LDLRAD4: variants seen among roughly 807,000 people sequenced by gnomAD.
LDLRAD4 encodes low density lipoprotein receptor class A domain containing 4.
A neutral mutation model predicts 17.0 loss-of-function variants in LDLRAD4; 5 were observed. The observed-to-expected ratio is 0.29, with a 90% CI of 0.15 to 0.62. LDLRAD4 has a LOEUF of 0.62. Among genes scored for constraint, LDLRAD4 ranks in the 20% least tolerant of loss-of-function variants. The probability of loss-of-function intolerance (pLI) is 0.84; values close to 1 mark genes in which losing one functional copy is unlikely to be tolerated. For missense variants in LDLRAD4, 340 were observed against 424.7 expected, an observed-to-expected ratio of 0.80 and a Z score of 1.75; for synonymous variants, 168 against 171.8, an observed-to-expected ratio of 0.98 and a Z score of 0.17.
At chr18:13,291,374 T>C (rs1387271883) in intron 1 of LDLRAD4, among the ~76,000 whole-genome samples, 1 of 152,206 alleles carries the variant, frequency 6.6e-6, no homozygotes, top group Admixed American at 6.5e-5. Context: ...TACATAGTTA[T>C]TGAGTATTTG....
chr18:13,462,408 G>A (rs1379096415), intron 3 of LDLRAD4, among the ~76,000 whole-genome samples: 2 of 152,166 alleles, frequency 1.3e-5, no homozygotes, highest in South Asian at 4.1e-4. Context: ...CAGGTGTCAA[G>A]CCAGGGTGCA....
intron 3 of LDLRAD4, chr18:13,543,345 T>A (rs1442802173): frequency 6.6e-6 from 1 of 152,202 alleles, no homozygotes. Context: ...CACCCACACA[T>A]GCGAGCCTCC....
At chr18:13,345,389 G>A (rs963202048) in intron 1 of LDLRAD4, among the ~76,000 whole-genome samples, 4 of 152,180 alleles carry the variant, frequency 2.6e-5, no homozygotes, top group Non-Finnish European at 4.4e-5. Context: ...TACGTTTATT[G>A]ATTTGTGTAT....
At chr18:13,298,711 C>T in intron 1 of LDLRAD4, among the ~76,000 whole-genome samples, 1 of 152,294 alleles carries the variant, frequency 6.6e-6, no homozygotes, top group South Asian at 2.1e-4. Flanking sequence ...GGTGATGGAG[C>T]TGCTCTGGGC....
intron 3 of LDLRAD4, among the ~76,000 whole-genome samples, chr18:13,473,671 ATAT>A (rs2092850424): frequency 8.8e-6 from 1 of 113,326 alleles, no homozygotes; most frequent in African/African-American, 3.3e-5. Context: ...ATATATATAT[ATAT>A]ATATAACGTT....
intron 1 of LDLRAD4, among the ~76,000 whole-genome samples, chr18:13,334,724 A>G (rs1447375879): frequency 2.0e-5 from 3 of 152,032 alleles, no homozygotes; most frequent in African/African-American, 4.8e-5. Context: ...GCTAGGGCTT[A>G]TAGTACAATC....
At chr18:13,445,479 G>A (rs975863389) in intron 3 of LDLRAD4, among the ~76,000 whole-genome samples, 2 of 152,062 alleles carry the variant, frequency 1.3e-5, no homozygotes, top group Non-Finnish European at 2.9e-5. Flanking sequence ...CCATGTGTGT[G>A]AGGGTGAGTC....
At chr18:13,269,661 C>A (rs760639065) in intron 1 of LDLRAD4, among the ~76,000 whole-genome samples, 5 of 152,030 alleles carry the variant, frequency 3.3e-5, no homozygotes, top group Non-Finnish European at 5.9e-5. Flanking sequence ...AGCGAGCTGT[C>A]CGACGTCATG....
chr18:13,393,666 G>A (rs1263524249), intron 2 of LDLRAD4, among the ~76,000 whole-genome samples: 3 of 152,154 alleles, frequency 2.0e-5, no homozygotes, highest in Non-Finnish European at 4.4e-5. Context: ...TAGTTCTGCC[G>A]ATGCTCTTTA....
intron 3 of LDLRAD4, among the ~76,000 whole-genome samples, chr18:13,505,419 T>G (rs2093674529): frequency 6.6e-6 from 1 of 152,246 alleles, no homozygotes; most frequent in African/African-American, 2.4e-5. Flanking sequence ...TTTAAGCATA[T>G]TTTTGGTCAC....
chr18:13,230,866 G>A (rs919903762), intron 1 of LDLRAD4, among the ~76,000 whole-genome samples: 74 of 152,322 alleles, frequency 4.9e-4, no homozygotes, highest in African/African-American at 1.8e-3. Flanking sequence ...GAACCCTCCA[G>A]GGCGAATCCT....
intron 1 of LDLRAD4, 154 bp downstream of exon 2, chr18:13,278,342 G>T (rs1271861203): frequency 6.6e-6 from 1 of 152,518 alleles, no homozygotes; most frequent in African/African-American, 2.4e-5. Flanking sequence ...GGGGCTGGAT[G>T]TTAATGGCTG....
rs187187446 is a variant in LDLRAD4 at position 13,373,872 on chromosome 18, A to G, written c.-382-13469A>G. ...AGCTACCTTAGTTATTTTTTATAAT[A>G]AATTCCAGAGTTTTCCAAAATTCTC... On this transcript the variant is annotated intron_variant, in intron 1 of 5. Transcript: ENST00000359446. 2.7e-4 allele frequency among the ~76,000 whole-genome samples: 41 copies of G among 152,354 alleles called. No homozygotes were observed. The East Asian group carries it at 4.0e-3, about 15-fold the overall frequency.
chr18:13,333,547 T>G (rs2081968732), intron 1 of LDLRAD4, among the ~76,000 whole-genome samples: 1 of 152,232 alleles, frequency 6.6e-6, no homozygotes, highest in African/African-American at 2.4e-5. Context: ...TGTTTTACAT[T>G]GAGTTCTATG....
intron 1 of LDLRAD4, among the ~76,000 whole-genome samples, chr18:13,264,341 G>A (rs2044093277): frequency 6.6e-6 from 1 of 152,264 alleles, no homozygotes; most frequent in Admixed American, 6.5e-5. Context: ...CTCAGAGCAG[G>A]CCTTGCTGCT....
rs1269308208 is a variant in LDLRAD4, at chr18:13,260,945, CAT to C, written c.-466-17159_-466-17158del. On this transcript the variant is annotated intron_variant, in intron 1 of 5. Transcript: ENST00000399848. Reference sequence around the variant, plus strand: ...TTCAGAGCAGGGCTCACTTTTCTTCCATTTGTTGGGACTAATGTGTCTGAAGA... The same window carrying C: ...TTCAGAGCAGGGCTCACTTTTCTTCCTTGTTGGGACTAATGTGTCTGAAGA... 2.6e-5 allele frequency among the ~76,000 whole-genome samples: 4 copies of C among 152,238 alleles called. No homozygotes were observed. In the East Asian group the frequency reaches 7.7e-4, roughly 29 times the overall value.
intron 2 of LDLRAD4, among the ~76,000 whole-genome samples, chr18:13,389,574 A>G (rs1003091462): frequency 2.0e-4 from 30 of 152,292 alleles, no homozygotes; most frequent in African/African-American, 7.2e-4. Context: ...TGGGACAAAA[A>G]GAGCCCGAGG....
At chr18:13,223,052 G>A (rs889516999) in intron 1 of LDLRAD4, among the ~76,000 whole-genome samples, 52 of 152,198 alleles carry the variant, frequency 3.4e-4, no homozygotes, top group Non-Finnish European at 2.6e-4. Flanking sequence ...AGCTCAGCTG[G>A]CAGAGTGACA....
rs143200977 is a variant in LDLRAD4 at position 13,254,430 on chromosome 18, T to C, written c.-466-23675T>C. On this transcript the variant is annotated intron_variant, in intron 1 of 5. Transcript: ENST00000399848. ...CTGGGCAGTTTGGGGGTTGGAGGAG[T>C]TTCCCTGGCCCAGCTGAGCAGGGCT... Among the ~76,000 whole-genome samples the C allele has an allele frequency of 1.2e-3, 190 of 152,008 alleles. 3 individuals are homozygous for C. In the East Asian group the frequency reaches 0.024, roughly 19 times the overall value.
Sources: gnomAD v4.1 joint callset for allele counts (sites outside exome capture counted in the v4.1 genomes callset) on GRCh38, gnomAD v4.1.1 for gene constraint, MANE v1.5 for transcripts, NCBI Gene and HGNC (gene_info 2026-07-23, HGNC 2026-07-21) for gene names.